The following CCDC66 variants were observed in gnomAD, a reference collection of about 807,000 sequenced individuals.
CCDC66 encodes the protein coiled-coil domain-containing protein 66.
Under a neutral mutation model 128.3 loss-of-function variants are expected in CCDC66, and 133 were observed. That is an observed-to-expected ratio of 1.04 (90% CI 0.90 to 1.20). The LOEUF (loss-of-function observed/expected upper bound fraction) is 1.20. CCDC66 is among the 50% of genes most tolerant of loss of function. The pLI is 0.00. For missense variants in CCDC66, 1,126 were observed against 1,075.5 expected (o/e 1.05, Z -0.66); for synonymous variants, 387 against 357.0 (o/e 1.08, Z -0.95).
chr3:56,565,130 A>G (rs1019935366), intron 4 of CCDC66: 40 of 426,512 alleles, frequency 9.4e-5, no homozygotes, highest in Non-Finnish European at 1.6e-4. Flanking sequence ...TTTTGATATT[A>G]TAGCTGGGCA....
In CCDC66 at chr3:56,564,118, G is replaced by C. The variant is rs779962162; in HGVS notation, c.537G>C (p.Glu179Asp). 1 of 1,580,792 alleles carries C rather than the reference G, an allele frequency of 6.3e-7. No individual in the cohort carries two copies. The highest frequency in any genetic ancestry group is 8.6e-7 in the Non-Finnish European group (1 of 1,166,132). The change falls in exon 4 of 18, where the codon GAG becomes GAC. Residue 179 changes from glutamate to aspartate, a missense_variant. Transcript: ENST00000394672. ...RSLSLTENGK[E>D]AKSQYSLYLN... ...TTTCCCTGACTGAGAATGGAAAGGA[G>C]GCAAAAAGTAAGATTTTTCTAAAGT...
chr3:56,586,009 A>G (rs1436630391), intron 7 of CCDC66, among the ~76,000 whole-genome samples: 1 of 151,914 alleles, frequency 6.6e-6, no homozygotes, highest in Non-Finnish European at 1.5e-5. Context: ...AAGACTTTAA[A>G]AGACTAGTAC....
chr3:56,571,058 C>G (rs1475043296), intron 6 of CCDC66, 123 bp from the exon 7 acceptor site: 2 of 633,658 alleles, frequency 3.2e-6, no homozygotes, highest in East Asian at 6.8e-5. Context: ...GAGTTAATCT[C>G]CTTCCTAAAA....
intron 7 of CCDC66, among the ~76,000 whole-genome samples, chr3:56,577,855 T>C (rs1219582900): frequency 6.6e-6 from 1 of 151,878 alleles, no homozygotes; most frequent in East Asian, 2.0e-4. Context: ...GACAGCATGA[T>C]GCCTCCAGCT....
chr3:56,610,977 G>A (rs1281374702), intron 10 of CCDC66, among the ~76,000 whole-genome samples: 1 of 152,126 alleles, frequency 6.6e-6, no homozygotes, highest in Non-Finnish European at 1.5e-5. Flanking sequence ...GGTGGTGGAG[G>A]ATGCAGTGGA....
chr3:56,573,992 C>T (rs73081836), intron 7 of CCDC66, among the ~76,000 whole-genome samples: 7,553 of 151,524 alleles, frequency 0.05, 248 homozygotes, highest in East Asian at 0.096. Context: ...GACTAGAAAA[C>T]GAAACACATG....
intron 10 of CCDC66, among the ~76,000 whole-genome samples, chr3:56,611,958 G>A (rs2074891354): frequency 6.6e-6 from 1 of 152,198 alleles, no homozygotes. Context: ...TGCAGCAGCA[G>A]TCTGCTTTCT....
At chr3:56,602,047 C>T (rs1199089733) in intron 10 of CCDC66, among the ~76,000 whole-genome samples, 1 of 152,052 alleles carries the variant, frequency 6.6e-6, no homozygotes, top group South Asian at 2.1e-4. Flanking sequence ...TGCCTTTTGC[C>T]GTTTTTCAAG....
intron 12 of CCDC66, 34 bp from the exon 13 acceptor site, chr3:56,615,886 TAA>T (rs769998476): frequency 2.6e-5 from 40 of 1,542,154 alleles, no homozygotes; most frequent in Non-Finnish European, 3.4e-5. Context: ...TAATATTCCT[TAA>T]GTGTTGTTTT....
chr3:56,586,286 T>C (rs2069698489), intron 7 of CCDC66, among the ~76,000 whole-genome samples: 2 of 151,666 alleles, frequency 1.3e-5, no homozygotes, highest in Admixed American at 1.3e-4. Flanking sequence ...CCCAGCACTT[T>C]GGGAGGCTGA....
chr3:56,570,191 A>T (rs1331529692), intron 6 of CCDC66: 1 of 152,116 alleles, frequency 6.6e-6, no homozygotes, highest in East Asian at 1.9e-4. Flanking sequence ...TGTCTCAGTA[A>T]AGTGCCTCTA....
At chr3:56,591,346 C>T (rs751249459) in intron 7 of CCDC66, among the ~76,000 whole-genome samples, 1 of 152,166 alleles carries the variant, frequency 6.6e-6, no homozygotes, top group Non-Finnish European at 1.5e-5. Context: ...AATGCCACTA[C>T]ACTAAAATAT....
intron 10 of CCDC66, among the ~76,000 whole-genome samples, chr3:56,597,123 T>C (rs1209449134): frequency 6.6e-6 from 1 of 151,932 alleles, no homozygotes; most frequent in African/African-American, 2.4e-5. Context: ...CATATAGATA[T>C]CCAATTTTCC....
At chr3:56,608,149 G>C (rs60513864) in intron 10 of CCDC66, among the ~76,000 whole-genome samples, 49,062 of 152,026 alleles carry the variant, frequency 0.32, 8,400 homozygotes, top group East Asian at 0.48. Flanking sequence ...TGGCTTCATA[G>C]AATGAATTAG....
intron 6 of CCDC66, among the ~76,000 whole-genome samples, chr3:56,568,830 T>G (rs1239559445): frequency 1.3e-5 from 2 of 152,252 alleles, no homozygotes; most frequent in Non-Finnish European, 2.9e-5. Context: ...TAATTTCTGT[T>G]AGAGTCTTGA....
intron 6 of CCDC66, chr3:56,570,051 G>A (rs1339130034): frequency 6.6e-6 from 1 of 152,216 alleles, no homozygotes; most frequent in Non-Finnish European, 1.5e-5. Context: ...GGCCAGGCTG[G>A]TCTCAAACTC....
rs745348880 is a variant in CCDC66 at position 56,594,006 on chromosome 3, G to A, written c.1382G>A (p.Arg461Gln). The A allele has an allele frequency of 1.2e-5, 20 of 1,613,854 alleles. No individual in the cohort carries two copies. The highest frequency in any genetic ancestry group is 1.7e-5 in the Admixed American group (1 of 60,012). Residue 461 changes from arginine to glutamine, a missense_variant, in exon 10 of 18, where the codon CGA (arginine) becomes CAA (glutamine). By Grantham distance (43) the Arg-to-Gln change is conservative. Transcript: ENST00000394672. ...PAQIEERDRR[R>Q]QKQLEHQKAI... ...CAGATTGAGGAACGAGACAGACGACGACAAAAACAATTAGAGCATCAGGTA... is the reference window on the plus strand; with the variant it reads ...CAGATTGAGGAACGAGACAGACGACAACAAAAACAATTAGAGCATCAGGTA...
chr3:56,615,306 T>G, intron 12 of CCDC66, 34 bp downstream of exon 12: 1 of 1,552,528 alleles, frequency 6.4e-7, no homozygotes. Context: ...TTTATAATAT[T>G]TTTAGAAGAT....
chr3:56,589,072 T>C (rs1276158356), intron 7 of CCDC66, among the ~76,000 whole-genome samples: 2 of 152,168 alleles, frequency 1.3e-5, no homozygotes, highest in Admixed American at 6.5e-5. Context: ...TGAAAAGTTA[T>C]TTAAATTGAT....
Sources: allele counts gnomAD v4.1 joint callset (sites outside exome capture counted in the v4.1 genomes callset), GRCh38; gene constraint gnomAD v4.1.1; transcripts MANE v1.5; gene names NCBI Gene and HGNC (gene_info 2026-07-23, HGNC 2026-07-21).